The following KHDRBS2 variants were observed in gnomAD, a reference collection of about 807,000 sequenced individuals.
KHDRBS2 encodes the protein KH domain-containing, RNA-binding, signal transduction-associated protein 2.
A neutral mutation model predicts 44.3 loss-of-function variants in KHDRBS2; 26 were observed. That is an observed-to-expected ratio of 0.59 (90% CI 0.43 to 0.81). The LOEUF (loss-of-function observed/expected upper bound fraction) is 0.81. Ranked by LOEUF, KHDRBS2 falls within the 40% of genes least tolerant of loss-of-function variation. The pLI is 0.00. For missense variants in KHDRBS2, 476 were observed against 433.1 expected, an observed-to-expected ratio of 1.10 and a Z score of -0.88; for synonymous variants, 194 against 151.1, an observed-to-expected ratio of 1.28 and a Z score of -2.08.
At chr6:61,622,837 A>G in the KHDRBS2 span, among the ~76,000 whole-genome samples, 6 of 152,154 alleles carry the variant, frequency 3.9e-5, no homozygotes, top group Admixed American at 3.3e-4. Flanking sequence ...CAAGAACGTC[A>G]GTGGTAGCTC....
chr6:61,932,938 C>A (rs2127368551), intron 4 of KHDRBS2, among the ~76,000 whole-genome samples: 1 of 152,270 alleles, frequency 6.6e-6, no homozygotes, highest in African/African-American at 2.4e-5. Context: ...AATTGTATTT[C>A]ATTGTGTATA....
intron 4 of KHDRBS2, among the ~76,000 whole-genome samples, chr6:61,927,902 G>T (rs549787132): frequency 6.6e-6 from 1 of 152,184 alleles, no homozygotes; most frequent in African/African-American, 2.4e-5. Flanking sequence ...AATTAAGTAG[G>T]CTATGAAAGC....
At chr6:62,059,609 GAACAAA>G (rs1229889691) in intron 2 of KHDRBS2, among the ~76,000 whole-genome samples, 2 of 151,600 alleles carry the variant, frequency 1.3e-5, no homozygotes, top group Non-Finnish European at 2.9e-5. Flanking sequence ...CGGAATACAG[GAACAAA>G]AACGTTAGAG....
intron 5 of KHDRBS2, among the ~76,000 whole-genome samples, chr6:61,900,790 A>T (rs1803835199): frequency 6.6e-6 from 1 of 152,204 alleles, no homozygotes; most frequent in Non-Finnish European, 1.5e-5. Context: ...CATTTAAAGC[A>T]CAGAAAAAGT....
intron 1 of KHDRBS2, among the ~76,000 whole-genome samples, chr6:62,253,745 C>T (rs1836925680): frequency 6.6e-6 from 1 of 151,904 alleles, no homozygotes; most frequent in South Asian, 2.1e-4. Context: ...TCCATATTTC[C>T]ATCTGACCCT....
intron 1 of KHDRBS2, among the ~76,000 whole-genome samples, chr6:62,238,595 T>A (rs1834079216): frequency 6.6e-6 from 1 of 151,968 alleles, no homozygotes; most frequent in African/African-American, 2.4e-5. Flanking sequence ...ATTATTAAAT[T>A]ACCATATTCA....
At chr6:61,854,533 A>G (rs1245303399) in intron 6 of KHDRBS2, among the ~76,000 whole-genome samples, 1 of 152,146 alleles carries the variant, frequency 6.6e-6, no homozygotes, top group Non-Finnish European at 1.5e-5. Flanking sequence ...GCACAGTTTG[A>G]GCAAACTTGA....
intron 6 of KHDRBS2, among the ~76,000 whole-genome samples, chr6:61,827,461 A>G (rs1208810642): frequency 6.6e-6 from 1 of 152,192 alleles, no homozygotes; most frequent in Non-Finnish European, 1.5e-5. Flanking sequence ...TATATTGAAA[A>G]TGCTAGGCAG....
chr6:61,574,223 G>A, the KHDRBS2 span: 1 of 771,184 alleles, frequency 1.3e-6, no homozygotes, highest in African/African-American at 1.7e-5. Flanking sequence ...AGCATTACCA[G>A]TATTAGAGGC....
chr6:62,199,190 C>T (rs577823551), intron 1 of KHDRBS2, among the ~76,000 whole-genome samples: 25 of 152,236 alleles, frequency 1.6e-4, no homozygotes, highest in South Asian at 1.2e-3. Context: ...GACATGGAGG[C>T]CCTCTCTCAC....
At chr6:61,558,930 T>C in the KHDRBS2 span, among the ~76,000 whole-genome samples, 2 of 152,118 alleles carry the variant, frequency 1.3e-5, no homozygotes, top group Non-Finnish European at 2.9e-5. Context: ...ATCTATTAGG[T>C]CCATTTGGTC....
chr6:62,059,612 C>A (rs1316825331), intron 2 of KHDRBS2, among the ~76,000 whole-genome samples: 1 of 151,502 alleles, frequency 6.6e-6, no homozygotes, highest in Non-Finnish European at 1.5e-5. Context: ...AATACAGGAA[C>A]AAAAACGTTA....
intron 6 of KHDRBS2, among the ~76,000 whole-genome samples, chr6:61,853,706 G>C (rs1224222895): frequency 6.6e-6 from 1 of 152,118 alleles, no homozygotes; most frequent in Non-Finnish European, 1.5e-5. Flanking sequence ...CCCAAATAAA[G>C]GTAAGTTGAA....
chr6:61,919,040 T>C (rs73489406), intron 4 of KHDRBS2, among the ~76,000 whole-genome samples: 1,574 of 152,056 alleles, frequency 0.01, 28 homozygotes, highest in African/African-American at 0.036. Flanking sequence ...ACCCCACTTC[T>C]GGAGATTTGA....
intron 6 of KHDRBS2, among the ~76,000 whole-genome samples, chr6:61,891,669 T>A (rs1205521227): frequency 1.5e-4 from 23 of 152,186 alleles, no homozygotes; most frequent in Non-Finnish European, 1.0e-4. Context: ...ATCTCAATAG[T>A]TGCAGAAAAG....
At chr6:62,041,412 G>T (rs991025828) in intron 3 of KHDRBS2, among the ~76,000 whole-genome samples, 1 of 152,050 alleles carries the variant, frequency 6.6e-6, no homozygotes, top group African/African-American at 2.4e-5. Flanking sequence ...TGGTAGAAAA[G>T]AACTACATCA....
At chr6:61,857,452 A>AT (rs556804777) in intron 6 of KHDRBS2, among the ~76,000 whole-genome samples, 25 of 150,612 alleles carry the variant, frequency 1.7e-4, no homozygotes, top group African/African-American at 3.2e-4. Context: ...GGTGGAGGAA[A>AT]TTTTTTTTTT....
chr6:61,680,827 G>A lies in KHDRBS2; in HGVS notation c.*136C>T. ...AGAGGGAAATACTAGAAATATATGG[G>A]AGTAATCATGAGCAGTTATCCCTAG... On this transcript the variant is annotated 3_prime_UTR_variant, in exon 9 of 9. Transcript: ENST00000281156. The A allele has an allele frequency of 1.7e-6, 1 of 594,334 alleles. No homozygotes were observed. Among genetic ancestry groups the A allele is most frequent in the South Asian group, 2.1e-5 (1 of 47,916 alleles). 36.8% of individuals were successfully genotyped at this position (594,334 alleles called of 1,614,324 possible).
intron 3 of KHDRBS2, among the ~76,000 whole-genome samples, chr6:62,016,196 A>G (rs1239642109): frequency 6.6e-6 from 1 of 152,102 alleles, no homozygotes; most frequent in East Asian, 1.9e-4. Flanking sequence ...TTTAGACCCC[A>G]GGATATATTT....
Sources: gnomAD v4.1 joint callset for allele counts (sites outside exome capture counted in the v4.1 genomes callset) on GRCh38, gnomAD v4.1.1 for gene constraint, MANE v1.5 for transcripts, NCBI Gene and HGNC (gene_info 2026-07-23, HGNC 2026-07-21) for gene names.